Variants in INSR observed in about 807,000 individuals in gnomAD.
INSR encodes the protein IR.
A neutral mutation model predicts 142.6 loss-of-function variants in INSR; 67 were observed. The observed-to-expected ratio is 0.47, with a 90% CI of 0.39 to 0.58. INSR has a LOEUF of 0.58. Among genes scored for constraint, INSR ranks in the 20% least tolerant of loss-of-function variants. INSR has a pLI of 0.00. For missense variants in INSR, 1,248 were observed against 1,833.2 expected, an observed-to-expected ratio of 0.68 and a Z score of 5.83; for synonymous variants, 756 against 743.1, an observed-to-expected ratio of 1.02 and a Z score of -0.28.
rs117969045 is a variant in INSR, at chr19:7,165,329, A to C, written c.1861+825T>G. On this transcript the variant is annotated intron_variant, in intron 8 of 21. Coordinates refer to ENST00000302850, the MANE Select transcript of INSR (RefSeq NM_000208.4). ...TAATTAAATTGCTGTGAAATACTCC[A>C]GGCCAAAACAAACAACAAAACAAAA... Among the ~76,000 whole-genome samples the C allele has an allele frequency of 2.8e-3, 419 of 152,070 alleles. 7 individuals are homozygous for C. In the East Asian group the frequency reaches 0.04, roughly 15 times the overall value.
intron 3 of INSR, among the ~76,000 whole-genome samples, chr19:7,175,283 G>A (rs1409795204): frequency 6.6e-6 from 1 of 152,192 alleles, no homozygotes; most frequent in Non-Finnish European, 1.5e-5. Flanking sequence ...AGAGGCCAAG[G>A]AGGGAGGGTT....
intron 1 of INSR, among the ~76,000 whole-genome samples, chr19:7,270,729 G>A (rs1219971965): frequency 6.6e-6 from 1 of 152,030 alleles, no homozygotes; most frequent in Admixed American, 6.6e-5. Flanking sequence ...CTGCACTCCA[G>A]CTTGGGCAAC....
intron 2 of INSR, among the ~76,000 whole-genome samples, chr19:7,218,074 G>A (rs1975490835): frequency 6.6e-6 from 1 of 151,982 alleles, no homozygotes; most frequent in Non-Finnish European, 1.5e-5. Context: ...CTTGTGGCGG[G>A]GGAAGAGAGA....
intron 4 of INSR, among the ~76,000 whole-genome samples, chr19:7,173,139 C>T (rs1315777885): frequency 1.3e-5 from 2 of 152,122 alleles, no homozygotes; most frequent in African/African-American, 4.8e-5. Context: ...TTCCATTCCA[C>T]CTATTACCCT....
intron 3 of INSR, among the ~76,000 whole-genome samples, chr19:7,180,674 C>T (rs905953800): frequency 6.6e-6 from 1 of 151,494 alleles, no homozygotes; most frequent in Non-Finnish European, 1.5e-5. Flanking sequence ...ATCTAGATGA[C>T]GAGGGGAAAA....
intron 11 of INSR, among the ~76,000 whole-genome samples, chr19:7,149,524 G>T (rs1284442403): frequency 6.6e-6 from 1 of 151,910 alleles, no homozygotes; most frequent in Admixed American, 6.6e-5. Context: ...GACTCAAGTT[G>T]AAAAGAAACG....
chr19:7,188,766 C>T (rs959011996), intron 2 of INSR, among the ~76,000 whole-genome samples: 3 of 148,736 alleles, frequency 2.0e-5, no homozygotes, highest in Non-Finnish European at 4.4e-5. Context: ...CCCAGCTACT[C>T]GGGAGGCTGA....
intron 8 of INSR, 51 bp from the exon 9 acceptor site, chr19:7,163,250 A>C: frequency 2.6e-6 from 4 of 1,550,056 alleles, no homozygotes; most frequent in Non-Finnish European, 3.6e-6. Context: ...TGTGCAAAGA[A>C]AGCTGGTGGG....
In INSR at chr19:7,267,602, C is replaced by T; in HGVS notation, c.395G>A (p.Gly132Asp). 6.2e-7 allele frequency: 1 copy of T among 1,614,056 alleles called. No individual in the cohort carries two copies. Among genetic ancestry groups the T allele is most frequent in the Non-Finnish European group, 8.5e-7 (1 of 1,180,022 alleles). ...GGTGATGTTCATCAGGTTGTAGAGGCCGAGTTCCTTGAGGTGAACCATCTC... is the reference window on the plus strand; with the variant it reads ...GGTGATGTTCATCAGGTTGTAGAGGTCGAGTTCCTTGAGGTGAACCATCTC... ...IFEMVHLKEL[G>D]LYNLMNITRG... is the part of the protein sequence containing the mutation. The change falls in exon 2 of 22, where the codon GGC becomes GAC. Residue 132 changes from glycine (G) to aspartate (D), a missense_variant. Transcript: ENST00000302850. The surrounding 1 kb of genome is among the most constrained non-coding windows in gnomAD (Gnocchi z 6.3).
intron 9 of INSR, among the ~76,000 whole-genome samples, chr19:7,156,875 G>C (rs534064315): frequency 1.8e-4 from 26 of 140,554 alleles, no homozygotes; most frequent in South Asian, 9.0e-4. Context: ...TGCAACCTCT[G>C]CCTCCTGGGT....
chr19:7,203,600 C>G (rs1201679012), intron 2 of INSR, among the ~76,000 whole-genome samples: 2 of 152,124 alleles, frequency 1.3e-5, no homozygotes, highest in East Asian at 3.9e-4. Context: ...ATATGGCGGT[C>G]TTGAATGTGC....
chr19:7,239,713 A>T (rs1976280770), intron 2 of INSR, among the ~76,000 whole-genome samples: 1 of 152,152 alleles, frequency 6.6e-6, no homozygotes, highest in African/African-American at 2.4e-5. Context: ...CCACTAGGGG[A>T]GCTGGTGAGT....
chr19:7,191,051 C>T (rs943573206), intron 2 of INSR, among the ~76,000 whole-genome samples: 10 of 152,090 alleles, frequency 6.6e-5, no homozygotes, highest in African/African-American at 2.4e-4. Flanking sequence ...AATCCCAGCA[C>T]TTTGGGAGGC....
rs1472259651 is a variant in INSR, at chr19:7,184,316, T to G, written c.974A>C (p.Asn325Thr). Residue 325 changes from asparagine to threonine, a missense_variant and splice_region_variant, in exon 3 of 22, where the codon AAC becomes ACC. Asn to Thr is a moderately conservative substitution (Grantham distance 65). Around this residue, in one of 3 missense-constraint regions of INSR, gnomAD observed 1,069 missense variants for 1,654.0 expected, o/e 0.65. Transcript: ENST00000302850. ...CPSGYTMNSS[N>T]LLCTPCLGPC... Reference sequence around the variant, plus strand: ...CCCCAGACCCACATCCAGAACTCACTTGCTGGAATTCATCGTGTACCCGGA... The same window carrying G: ...CCCCAGACCCACATCCAGAACTCACGTGCTGGAATTCATCGTGTACCCGGA... 23 of 1,613,316 alleles carry G rather than the reference T, an allele frequency of 1.4e-5. No homozygotes were observed. Among genetic ancestry groups the G allele is most frequent in the Non-Finnish European group, 1.9e-5 (23 of 1,179,816 alleles).
chr19:7,242,108 A>G (rs1289688272), intron 2 of INSR, among the ~76,000 whole-genome samples: 1 of 150,728 alleles, frequency 6.6e-6, no homozygotes, highest in Non-Finnish European at 1.5e-5. Context: ...AGCCAAGATC[A>G]TGCCACTGCA....
chr19:7,250,933 C>G (rs191411460), intron 2 of INSR, among the ~76,000 whole-genome samples: 2 of 152,072 alleles, frequency 1.3e-5, no homozygotes, highest in East Asian at 3.9e-4. Context: ...GACTGCACCC[C>G]AAGCCAGAAA....
chr19:7,227,178 A>T (rs959258550), intron 2 of INSR, among the ~76,000 whole-genome samples: 1 of 152,186 alleles, frequency 6.6e-6, no homozygotes, highest in Non-Finnish European at 1.5e-5. Context: ...GTTTGGTGTG[A>T]AAAATTAACG....
intron 2 of INSR, among the ~76,000 whole-genome samples, chr19:7,254,419 C>T (rs1976828697): frequency 6.6e-6 from 1 of 152,042 alleles, no homozygotes; most frequent in Admixed American, 6.6e-5. Context: ...GTTCCAGCTA[C>T]TGGCCAGGCT....
At chr19:7,134,574 T>G (rs951539344) in intron 13 of INSR, among the ~76,000 whole-genome samples, 52 of 152,016 alleles carry the variant, frequency 3.4e-4, no homozygotes, top group Admixed American at 2.6e-3. Context: ...AGACCATCCT[T>G]GCCAACATGG....
Sources: gnomAD v4.1 joint callset for allele counts (sites outside exome capture counted in the v4.1 genomes callset) on GRCh38, gnomAD v4.1.1 for gene constraint, gnomAD v4.1.1 regional missense constraint, Gnocchi (gnomAD v3.1) non-coding constraint, MANE v1.5 for transcripts, NCBI Gene and HGNC (gene_info 2026-07-23, HGNC 2026-07-21) for gene names.